The following DCAF6 variants were observed in gnomAD, a reference collection of about 807,000 sequenced individuals.
DCAF6 encodes DDB1 and CUL4 associated factor 6, also known as DDB1- and CUL4-associated factor 6.
DCAF6 carries 54 observed loss-of-function variants against 125.1 expected under a neutral mutation model. The ratio of observed to expected loss-of-function variants is 0.43; its 90% CI spans 0.35 to 0.54. The LOEUF is 0.54. DCAF6 is among the 20% of genes least tolerant of loss of function. The probability of loss-of-function intolerance (pLI) is 0.01; values close to 1 mark genes in which losing one functional copy is unlikely to be tolerated. For synonymous variants in DCAF6, 371 were observed against 390.4 expected (o/e 0.95, Z 0.58); for missense variants, 934 against 1,161.7 (o/e 0.80, Z 2.85).
the DCAF6 span, chr1:167,899,327 G>A: frequency 8.1e-7 from 1 of 1,239,654 alleles, no homozygotes; most frequent in Non-Finnish European, 1.2e-6. Flanking sequence ...TCCAGCCCAG[G>A]AGCTTTATGA....
At chr1:168,012,679 C>G (rs1281005693) in intron 10 of DCAF6, among the ~76,000 whole-genome samples, 2 of 152,266 alleles carry the variant, frequency 1.3e-5, no homozygotes, top group East Asian at 3.9e-4. Context: ...TCAATACTTG[C>G]TTTTCCTAGT....
chr1:167,904,032 G>GA, the DCAF6 span: 1 of 1,364,226 alleles, frequency 7.3e-7, no homozygotes, highest in Non-Finnish European at 1.0e-6. Context: ...CTGCTTGGGG[G>GA]AATCAAACAG....
At chr1:167,870,823 A>G in the DCAF6 span, among the ~76,000 whole-genome samples, 4 of 151,066 alleles carry the variant, frequency 2.6e-5, no homozygotes, top group Non-Finnish European at 5.9e-5. Context: ...AAAAAAAAAA[A>G]CTTGGAATTT....
At chr1:168,008,212 A>T (rs1683631507) in intron 10 of DCAF6, among the ~76,000 whole-genome samples, 1 of 151,818 alleles carries the variant, frequency 6.6e-6, no homozygotes, top group Non-Finnish European at 1.5e-5. Flanking sequence ...CAAGCAGTCC[A>T]TCCGCCTCGG....
chr1:167,967,952 A>T (rs1676688283), intron 3 of DCAF6, among the ~76,000 whole-genome samples: 1 of 151,788 alleles, frequency 6.6e-6, no homozygotes, highest in African/African-American at 2.4e-5. Context: ...GCTGGTCTTG[A>T]ACTCCTGACC....
intron 17 of DCAF6, among the ~76,000 whole-genome samples, chr1:168,052,947 G>A (rs768848805): frequency 6.6e-6 from 1 of 152,124 alleles, no homozygotes; most frequent in Non-Finnish European, 1.5e-5. Flanking sequence ...TATTATAGCT[G>A]CTGCCAAAAA....
intron 11 of DCAF6, among the ~76,000 whole-genome samples, chr1:168,021,131 C>T (rs955132866): frequency 4.6e-5 from 7 of 151,926 alleles, no homozygotes; most frequent in Non-Finnish European, 8.8e-5. Context: ...GTTTTTTCCC[C>T]GTGACTTATT....
At chr1:168,047,708 G>A (rs1159579336) in intron 16 of DCAF6, among the ~76,000 whole-genome samples, 1 of 151,928 alleles carries the variant, frequency 6.6e-6, no homozygotes, top group Non-Finnish European at 1.5e-5. Flanking sequence ...ATATATGTGT[G>A]TGTGTGTATA....
the DCAF6 span, among the ~76,000 whole-genome samples, chr1:167,882,289 C>T: frequency 6.6e-6 from 1 of 151,914 alleles, no homozygotes; most frequent in Admixed American, 6.6e-5. Context: ...ATTCGAGACC[C>T]ACCTGGCCAA....
intron 10 of DCAF6, among the ~76,000 whole-genome samples, chr1:168,011,360 C>G (rs931511006): frequency 2.0e-5 from 3 of 152,130 alleles, no homozygotes; most frequent in African/African-American, 7.2e-5. Flanking sequence ...TCGTGATCCA[C>G]CCGCCTTGGC....
the DCAF6 span, among the ~76,000 whole-genome samples, chr1:167,927,596 C>T: frequency 1.3e-5 from 2 of 152,116 alleles, no homozygotes; most frequent in African/African-American, 4.8e-5. Context: ...TTTCTGTCAC[C>T]CCAAAATTGT....
intron 2 of DCAF6, among the ~76,000 whole-genome samples, chr1:167,958,070 A>AT (rs1294967219): frequency 6.6e-6 from 1 of 152,080 alleles, no homozygotes; most frequent in East Asian, 1.9e-4. Context: ...TGATTTGCAA[A>AT]TATTTCCCTT....
intron 21 of DCAF6, among the ~76,000 whole-genome samples, chr1:168,069,267 A>G (rs1384225258): frequency 2.0e-5 from 3 of 152,136 alleles, no homozygotes; most frequent in Non-Finnish European, 4.4e-5. Context: ...TGACCTATAA[A>G]TTTCACTTAC....
rs534489647 is a variant in DCAF6 at position 168,037,199 on chromosome 1, CTCTT to C, written c.1610-1171_1610-1168del. ...CCCACCACTGAGCCCCGCTGAGATT[CTCTT>C]AATGTGTGCTCCAACATCTTCAAGA... On this transcript the variant is annotated intron_variant, in intron 12 of 21. Coordinates refer to ENST00000367840, the MANE Select transcript of DCAF6 (RefSeq NM_001198956.2). 6.1e-3 allele frequency among the ~76,000 whole-genome samples: 906 copies of C among 147,608 alleles called. 4 individuals are homozygous for C. Among genetic ancestry groups the C allele is most frequent in the African/African-American group, 0.022 (871 of 40,148 alleles).
At chr1:168,062,289 T>C (rs958288914) in intron 17 of DCAF6, among the ~76,000 whole-genome samples, 1 of 152,234 alleles carries the variant, frequency 6.6e-6, no homozygotes, top group African/African-American at 2.4e-5. Context: ...TCAGGAATTC[T>C]GGTTATACTG....
chr1:168,055,209 T>G (rs1690488900), intron 17 of DCAF6, among the ~76,000 whole-genome samples: 1 of 152,106 alleles, frequency 6.6e-6, no homozygotes, highest in Non-Finnish European at 1.5e-5. Flanking sequence ...AAAGTAGAGA[T>G]ATAGAAATGT....
intron 10 of DCAF6, among the ~76,000 whole-genome samples, chr1:168,013,472 A>G (rs1410071898): frequency 2.0e-5 from 3 of 152,144 alleles, no homozygotes; most frequent in African/African-American, 4.8e-5. Flanking sequence ...GAAATTCTCT[A>G]TGCTCCTACC....
At position 168,004,568 on chromosome 1, in the gene DCAF6, A is replaced by G. The variant is rs1219343100; in HGVS notation, c.1153A>G (p.Thr385Ala). The G allele has an allele frequency of 5.0e-6, 8 of 1,612,498 alleles. No homozygotes were observed. Among genetic ancestry groups the G allele is most frequent in the Admixed American group, 1.7e-5 (1 of 59,672 alleles). Reference protein sequence around the residue: ...TSQSDISTLPTVPSSPDLEVS... With the variant: ...TSQSDISTLPAVPSSPDLEVS... ...TCAATCAGATATTTCAACTCTTCCT[A>G]CGGTCCCATCAAGTCCTGATTTGGA... is the stretch of plus-strand genomic sequence containing the variant. The change falls in exon 10 of 22, where the codon ACG becomes GCG. Residue 385 changes from threonine (T) to alanine (A), a missense_variant. Around this residue, in one of 5 missense-constraint regions of DCAF6, gnomAD observed 559 missense variants for 635.5 expected, o/e 0.88. Coordinates refer to ENST00000367840, the MANE Select transcript of DCAF6 (RefSeq NM_001198956.2).
At chr1:167,872,367 TAAA>T in the DCAF6 span, among the ~76,000 whole-genome samples, 2 of 142,014 alleles carry the variant, frequency 1.4e-5, no homozygotes, top group Non-Finnish European at 1.5e-5. Flanking sequence ...TAAGGAAGCT[TAAA>T]AAAAAAAAAA....
Sources: allele counts gnomAD v4.1 joint callset (sites outside exome capture counted in the v4.1 genomes callset), GRCh38; gene constraint gnomAD v4.1.1; regional missense constraint gnomAD v4.1.1; transcripts MANE v1.5; gene names NCBI Gene and HGNC (gene_info 2026-07-23, HGNC 2026-07-21).